The following CEP350 variants were observed in gnomAD, a reference collection of about 807,000 sequenced individuals.
The protein encoded by CEP350 is centrosomal protein 350.
A neutral mutation model predicts 331.8 loss-of-function variants in CEP350; 126 were observed. That is an observed-to-expected ratio of 0.38 (90% CI 0.33 to 0.44). CEP350 has a LOEUF of 0.44. CEP350 is among the 20% of genes least tolerant of loss of function. CEP350 has a pLI of 1.00. For synonymous variants in CEP350, 1,200 were observed against 1,259.5 expected (o/e 0.95, Z 1.00); for missense variants, 3,406 against 3,634.6 (o/e 0.94, Z 1.62).
At chr1:179,976,693 A>G (rs1339840382) in intron 1 of CEP350, among the ~76,000 whole-genome samples, 1 of 152,134 alleles carries the variant, frequency 6.6e-6, no homozygotes, top group East Asian at 1.9e-4. Flanking sequence ...GAAATACAAG[A>G]AATGAAATAT....
Position 180,051,916 on chromosome 1 carries a change from G to A in CEP350, c.4793-1054G>A, listed in dbSNP as rs74664658. ...ATTGGGTTTGAACAAATAAGTAAACGAGTGTTGGATGGTCAGAGCCAGGTT... is the reference window on the plus strand; with the variant it reads ...ATTGGGTTTGAACAAATAAGTAAACAAGTGTTGGATGGTCAGAGCCAGGTT... On this transcript the variant is annotated intron_variant, in intron 22 of 37. Coordinates refer to ENST00000367607, the MANE Select transcript of CEP350 (RefSeq NM_014810.5). 4.4e-3 allele frequency among the ~76,000 whole-genome samples: 667 copies of A among 152,234 alleles called. 5 individuals carry two copies. Among genetic ancestry groups the A allele is most frequent in the African/African-American group, 0.015 (635 of 41,546 alleles).
intron 35 of CEP350, 32 bp from the exon 36 acceptor site, chr1:180,096,001 CATTTT>C (rs1660461245): frequency 6.5e-7 from 1 of 1,545,676 alleles, no homozygotes. Flanking sequence ...GATTCTTAGC[CATTTT>C]GTTTTGTTTT....
In CEP350 at chr1:180,094,379, A is replaced by T; in HGVS notation, c.8274A>T (p.Leu2758Phe). 6.2e-7 allele frequency: 1 copy of T among 1,613,878 alleles called. No homozygotes were observed. The highest frequency in any genetic ancestry group is 8.5e-7 in the Non-Finnish European group (1 of 1,179,854). ...AAATCAGCTTACTGACAGACAGTTT[A>T]CTAAAAGTCTTTGTAAAGGACACAG... The part of the protein sequence containing the change: ...LEKISLLTDS[L>F]LKVFVKDTVN... Residue 2758 changes from leucine (L) to phenylalanine (F), a missense_variant, in exon 34 of 38, where the codon TTA becomes TTT. Around this residue, in one of 5 missense-constraint regions of CEP350, gnomAD observed 1,415 missense variants for 1,512.3 expected, o/e 0.94. Coordinates refer to ENST00000367607, the MANE Select transcript of CEP350 (RefSeq NM_014810.5).
rs369306946 is a variant in CEP350 at position 180,087,664 on chromosome 1, G to A, written c.6372G>A (p.Thr2124=). 15 of 1,578,842 alleles carry A rather than the reference G, an allele frequency of 9.5e-6. No homozygotes were observed. Among genetic ancestry groups the A allele is most frequent in the Middle Eastern group, 3.3e-4 (2 of 6,004 alleles). The part of the protein sequence containing the change: ...TSPTAKPQIK[T]LSSASEKPKI... The stretch of plus-strand genomic sequence containing the variant: ...CAACAGCCAAGCCTCAGATTAAAAC[G>A]CTCTCCTCAGCTTCTGAAAAACCCA... The change falls in exon 32 of 38, where the codon ACG becomes ACA. Residue 2124 remains threonine, a synonymous_variant. Coordinates refer to ENST00000367607, the MANE Select transcript of CEP350 (RefSeq NM_014810.5).
At chr1:180,010,589 CT>C (rs1654573961) in intron 8 of CEP350, among the ~76,000 whole-genome samples, 2 of 150,634 alleles carry the variant, frequency 1.3e-5, no homozygotes, top group South Asian at 4.2e-4. Context: ...TCCTTCCTTT[CT>C]TTTCTTTCTT....
chr1:180,005,184 C>T (rs1654175999), intron 7 of CEP350, among the ~76,000 whole-genome samples: 1 of 151,802 alleles, frequency 6.6e-6, no homozygotes, highest in South Asian at 2.1e-4. Flanking sequence ...CTTTAGCCCA[C>T]ACTTCCCCTC....
At chr1:179,955,452 G>T (rs1369827375) in intron 1 of CEP350, among the ~76,000 whole-genome samples, 1 of 152,302 alleles carries the variant, frequency 6.6e-6, no homozygotes, top group East Asian at 1.9e-4. Context: ...GCCCGGAGAA[G>T]TGTCCCTTCT....
intron 37 of CEP350, among the ~76,000 whole-genome samples, chr1:180,107,582 C>T (rs975419858): frequency 2.6e-5 from 4 of 152,180 alleles, no homozygotes; most frequent in Admixed American, 2.6e-4. Flanking sequence ...GCAGGAGGAT[C>T]ACTTGAACCC....
chr1:180,007,917 G>A (rs554863791), intron 8 of CEP350, among the ~76,000 whole-genome samples: 1 of 148,020 alleles, frequency 6.8e-6, no homozygotes, highest in Admixed American at 6.9e-5. Flanking sequence ...TATTTAGAAT[G>A]TATAGTTTGA....
At chr1:180,099,954 T>A (rs981258856) in intron 37 of CEP350, among the ~76,000 whole-genome samples, 1 of 152,038 alleles carries the variant, frequency 6.6e-6, no homozygotes, top group Non-Finnish European at 1.5e-5. Flanking sequence ...TCCAGCTAAT[T>A]TTTGTATTTT....
At chr1:180,012,725 T>C (rs560984196) in intron 9 of CEP350, among the ~76,000 whole-genome samples, 2 of 152,336 alleles carry the variant, frequency 1.3e-5, no homozygotes, top group Non-Finnish European at 2.9e-5. Flanking sequence ...ATGGATTCAG[T>C]AAGATGCAGT....
intron 37 of CEP350, among the ~76,000 whole-genome samples, chr1:180,100,644 G>T (rs1460834745): frequency 6.6e-6 from 1 of 152,208 alleles, no homozygotes; most frequent in African/African-American, 2.4e-5. Flanking sequence ...ACACAAGTGT[G>T]TAAGTTATGC....
intron 1 of CEP350, among the ~76,000 whole-genome samples, chr1:179,973,496 G>A (rs1651611287): frequency 6.6e-6 from 1 of 152,032 alleles, no homozygotes. Context: ...ACGTTTATAT[G>A]TATTTCTTAT....
intron 37 of CEP350, among the ~76,000 whole-genome samples, chr1:180,108,283 T>G (rs1367670041): frequency 6.6e-6 from 1 of 152,004 alleles, no homozygotes; most frequent in Non-Finnish European, 1.5e-5. Flanking sequence ...ATTTCCTTAG[T>G]GTTTCCTAAA....
intron 25 of CEP350, among the ~76,000 whole-genome samples, chr1:180,055,926 TTAAAA>T (rs1206081295): frequency 6.6e-6 from 1 of 152,170 alleles, no homozygotes; most frequent in Non-Finnish European, 1.5e-5. Context: ...TTTTTCTTAG[TTAAAA>T]TAAGTAAATA....
chr1:180,103,526 A>G (rs763982459), intron 37 of CEP350, among the ~76,000 whole-genome samples: 2 of 152,118 alleles, frequency 1.3e-5, no homozygotes, highest in Non-Finnish European at 2.9e-5. Context: ...GAAATCTGAC[A>G]GTTCTTTATG....
intron 27 of CEP350, among the ~76,000 whole-genome samples, chr1:180,067,725 T>C (rs1658628995): frequency 6.6e-6 from 1 of 152,208 alleles, no homozygotes; most frequent in African/African-American, 2.4e-5. Flanking sequence ...CTAAAGTATT[T>C]TCCGAAATTG....
At chr1:179,971,928 C>G (rs1651482946) in intron 1 of CEP350, among the ~76,000 whole-genome samples, 1 of 151,970 alleles carries the variant, frequency 6.6e-6, no homozygotes, top group Admixed American at 6.6e-5. Flanking sequence ...CTCAAAGATC[C>G]CTGAACCATA....
At chr1:180,027,440 G>A (rs1327251738) in intron 14 of CEP350, among the ~76,000 whole-genome samples, 1 of 152,136 alleles carries the variant, frequency 6.6e-6, no homozygotes, top group African/African-American at 2.4e-5. Flanking sequence ...GTACAGTGGT[G>A]TGATCACGGC....
Sources: gnomAD v4.1 joint callset for allele counts (sites outside exome capture counted in the v4.1 genomes callset) on GRCh38, gnomAD v4.1.1 for gene constraint, gnomAD v4.1.1 regional missense constraint, MANE v1.5 for transcripts, NCBI Gene and HGNC (gene_info 2026-07-23, HGNC 2026-07-21) for gene names.